The following LRRFIP1 variants were observed in gnomAD, a reference collection of about 807,000 sequenced individuals.
LRRFIP1 encodes LRR binding FLII interacting protein 1.
In LRRFIP1, 62 loss-of-function variants were observed where a neutral mutation model predicts 104.4. The ratio of observed to expected loss-of-function variants is 0.59; its 90% CI spans 0.48 to 0.73. The LOEUF (loss-of-function observed/expected upper bound fraction) is 0.73, where lower values mean the gene tolerates loss of function less well. LRRFIP1 is among the 30% of genes least tolerant of loss of function. The probability of loss-of-function intolerance (pLI) is 0.00; values close to 1 mark genes in which losing one functional copy is unlikely to be tolerated. For missense variants in LRRFIP1, 796 were observed against 824.5 expected (o/e 0.97, Z 0.42); for synonymous variants, 300 against 299.0 (o/e 1.00, Z -0.03).
intron 1 of LRRFIP1, among the ~76,000 whole-genome samples, chr2:237,643,194 C>T (rs894406073): frequency 5.3e-5 from 8 of 152,262 alleles, no homozygotes. Context: ...CACAGGGCCG[C>T]CGCGCACTCG....
chr2:237,657,072 G>T (rs543083872), intron 1 of LRRFIP1, among the ~76,000 whole-genome samples: 27 of 152,322 alleles, frequency 1.8e-4, no homozygotes, highest in African/African-American at 5.8e-4. Flanking sequence ...GTGGGAAAAG[G>T]CTGGCGGTGG....
intron 21 of LRRFIP1, chr2:237,772,546 T>C (rs2060738105): frequency 2.0e-6 from 1 of 487,990 alleles, no homozygotes; most frequent in Admixed American, 3.7e-5. Context: ...CTAGAAACAG[T>C]CTTAAGGGAG....
At chr2:237,745,164 G>GCCCGGC (rs1289460434) in intron 11 of LRRFIP1, among the ~76,000 whole-genome samples, 1 of 152,218 alleles carries the variant, frequency 6.6e-6, no homozygotes, top group Non-Finnish European at 1.5e-5. Flanking sequence ...TTCTGTCCGG[G>GCCCGGC]CCCGGCCCCT....
At chr2:237,702,888 C>T (rs538689824) in intron 1 of LRRFIP1, among the ~76,000 whole-genome samples, 20 of 152,260 alleles carry the variant, frequency 1.3e-4, no homozygotes, top group Middle Eastern at 3.4e-3. Flanking sequence ...AGCTTATAGC[C>T]GTTTACACCC....
At chr2:237,681,718 C>T (rs1441320342) in intron 1 of LRRFIP1, among the ~76,000 whole-genome samples, 6 of 74,516 alleles carry the variant, frequency 8.1e-5, no homozygotes, top group Middle Eastern at 0.012. Context: ...CTCGCTCTGT[C>T]GCCCAGGCTG....
chr2:237,734,040 TCCAGGAAG>T (rs1254181678), intron 9 of LRRFIP1, among the ~76,000 whole-genome samples: 18 of 152,222 alleles, frequency 1.2e-4, no homozygotes, highest in Non-Finnish European at 2.4e-4. Context: ...CTGCTCTGTC[TCCAGGAAG>T]CCTTGTGTTT....
intron 1 of LRRFIP1, among the ~76,000 whole-genome samples, chr2:237,696,989 A>G (rs2093230515): frequency 6.6e-6 from 1 of 152,216 alleles, no homozygotes; most frequent in African/African-American, 2.4e-5. Context: ...GGTAATTTCC[A>G]GACAGAAGAG....
At chr2:237,682,667 C>T (rs1249782281) in intron 1 of LRRFIP1, among the ~76,000 whole-genome samples, 1 of 152,240 alleles carries the variant, frequency 6.6e-6, no homozygotes, top group Admixed American at 6.5e-5. Context: ...CACACCACAT[C>T]TGAAATCTCA....
intron 11 of LRRFIP1, among the ~76,000 whole-genome samples, chr2:237,745,527 T>A (rs2057724459): frequency 6.6e-6 from 1 of 152,152 alleles, no homozygotes; most frequent in African/African-American, 2.4e-5. Context: ...ATTTTACAAA[T>A]TATAAAAACA....
At chr2:237,746,132 C>T (rs1186608561) in intron 11 of LRRFIP1, among the ~76,000 whole-genome samples, 1 of 150,726 alleles carries the variant, frequency 6.6e-6, no homozygotes, top group African/African-American at 2.4e-5. Flanking sequence ...GATCTCAGCT[C>T]ACTGCAACCT....
Position 237,657,175 on chromosome 2 carries a change from G to A in LRRFIP1, c.96+29435G>A, listed in dbSNP as rs139082173. Among the ~76,000 whole-genome samples, 10 of 152,294 alleles carry A rather than the reference G, an allele frequency of 6.6e-5. No homozygotes were observed. The East Asian group carries it at 1.2e-3, about 18-fold the overall frequency. On this transcript the variant is annotated intron_variant, in intron 1 of 23. Transcript: ENST00000308482. ...AAACAGGTCAAGTGTGAGGATGCAC[G>A]TACCAGCCAGGCAGGGGAGCGAAGA...
At chr2:237,671,279 C>T (rs961045423) in intron 1 of LRRFIP1, among the ~76,000 whole-genome samples, 1 of 152,212 alleles carries the variant, frequency 6.6e-6, no homozygotes, top group Admixed American at 6.5e-5. Context: ...CCATACAGAT[C>T]TGAGAGCCAG....
chr2:237,712,187 A>G (rs2094130333), intron 2 of LRRFIP1, among the ~76,000 whole-genome samples: 1 of 152,218 alleles, frequency 6.6e-6, no homozygotes, highest in Non-Finnish European at 1.5e-5. Flanking sequence ...GGAGATACAC[A>G]GTTTTCCCCA....
intron 1 of LRRFIP1, among the ~76,000 whole-genome samples, chr2:237,670,630 G>C (rs1028290401): frequency 1.3e-5 from 2 of 152,204 alleles, no homozygotes; most frequent in African/African-American, 4.8e-5. Flanking sequence ...CCAACACAGC[G>C]CCTGCAGGGC....
rs773988094 is a variant in LRRFIP1, at chr2:237,723,579, A to G, written c.377A>G (p.Tyr126Cys). ...SQPDLEYGGP[Y>C]AWTNGYDGEL... ...CCTGACTTGGAGTATGGGGGTCCTT[A>G]CGCCTGGGTGAGATGGTCGGATATA... Residue 126 changes from tyrosine to cysteine, a missense_variant, in exon 7 of 24, where the codon TAC becomes TGC. Physicochemically the swap from Tyr to Cys is radical, Grantham distance 194. Transcript: ENST00000308482. The G allele has an allele frequency of 2.5e-6, 4 of 1,613,618 alleles. No individual in the cohort carries two copies. The highest frequency in any genetic ancestry group is 3.4e-6 in the Non-Finnish European group (4 of 1,179,842).
intron 1 of LRRFIP1, among the ~76,000 whole-genome samples, chr2:237,633,188 C>T (rs2082636651): frequency 6.6e-6 from 1 of 152,192 alleles, no homozygotes; most frequent in Admixed American, 6.5e-5. Context: ...AGCTGATTCT[C>T]CTAAGCCAAA....
At chr2:237,737,776 A>G (rs1308722551) in intron 10 of LRRFIP1, among the ~76,000 whole-genome samples, 1 of 152,210 alleles carries the variant, frequency 6.6e-6, no homozygotes, top group Non-Finnish European at 1.5e-5. Flanking sequence ...TTTCTTGTAT[A>G]TCTCAAATGT....
chr2:237,772,278 C>G, intron 21 of LRRFIP1, 80 bp downstream of exon 21: 2 of 1,129,138 alleles, frequency 1.8e-6, no homozygotes, highest in South Asian at 2.6e-5. Flanking sequence ...AGAAAACTGT[C>G]ACGGCAAAGA....
intron 9 of LRRFIP1, among the ~76,000 whole-genome samples, chr2:237,734,273 CTTTTTTTTTTT>C (rs71870330): frequency 5.5e-5 from 5 of 90,206 alleles, no homozygotes; most frequent in Non-Finnish European, 7.8e-5. Context: ...TGTTAATAAC[CTTTTTTTTTTT>C]TTTTTTTTTT....
Sources: allele counts gnomAD v4.1 joint callset (sites outside exome capture counted in the v4.1 genomes callset), GRCh38; gene constraint gnomAD v4.1.1; transcripts MANE v1.5; gene names NCBI Gene and HGNC (gene_info 2026-07-23, HGNC 2026-07-21).